The following AMOTL1 variants were observed in gnomAD, a reference collection of about 807,000 sequenced individuals.
AMOTL1 encodes angiomotin like 1.
A neutral mutation model predicts 102.9 loss-of-function variants in AMOTL1; 45 were observed. That is an observed-to-expected ratio of 0.44 (90% CI 0.34 to 0.56). The LOEUF (loss-of-function observed/expected upper bound fraction) is 0.56. Ranked by LOEUF, AMOTL1 falls within the 20% of genes least tolerant of loss-of-function variation. AMOTL1 has a pLI of 0.01. For synonymous variants in AMOTL1, 481 were observed against 484.7 expected, an observed-to-expected ratio of 0.99 and a Z score of 0.10; for missense variants, 1,114 against 1,225.6, an observed-to-expected ratio of 0.91 and a Z score of 1.36.
intron 8 of AMOTL1, among the ~76,000 whole-genome samples, chr11:94,858,692 C>G (rs938432058): frequency 5.3e-5 from 8 of 152,164 alleles, no homozygotes; most frequent in African/African-American, 1.9e-4. Context: ...TGACTGGGCC[C>G]CTAACCCTGA....
At chr11:94,808,286 C>T (rs1051170939) in intron 3 of AMOTL1, among the ~76,000 whole-genome samples, 2 of 151,930 alleles carry the variant, frequency 1.3e-5, no homozygotes, top group Admixed American at 6.6e-5. Context: ...TTTTACCCTC[C>T]TCTCACATGT....
intron 3 of AMOTL1, among the ~76,000 whole-genome samples, chr11:94,751,546 G>C (rs958687526): frequency 6.6e-6 from 1 of 152,054 alleles, no homozygotes; most frequent in Admixed American, 6.5e-5. Flanking sequence ...ATGTAAAATT[G>C]ATCACCACTC....
In AMOTL1 at chr11:94,854,075, C is replaced by T; in HGVS notation, c.1937C>T (p.Thr646Ile). Residue 646 changes from threonine to isoleucine, a missense_variant, in exon 8 of 13, where the codon ACC becomes ATC. Physicochemically the swap from Thr to Ile is moderately conservative, Grantham distance 89. Transcript: ENST00000433060. ...WLERELDALR[T>I]QQKHGNGQPA... ...GAGAGAGAGCTGGATGCACTGAGAA[C>T]CCAGCAGGTAAGGAACTGGGCATGG... The T allele has an allele frequency of 6.5e-7, 1 of 1,545,248 alleles. No homozygotes were observed. The highest frequency in any genetic ancestry group is 8.8e-7 in the Non-Finnish European group (1 of 1,142,716).
chr11:94,796,948 T>C, intron 2 of AMOTL1: 1 of 984,016 alleles, frequency 1.0e-6, no homozygotes, highest in Non-Finnish European at 1.2e-6. Flanking sequence ...CCTTTGTTTT[T>C]TTCTCATTTC....
rs143522082 is a variant in AMOTL1 at position 94,809,636 on chromosome 11, G to T, written c.1121+9325G>T. On this transcript the variant is annotated intron_variant, in intron 3 of 12. Transcript: ENST00000433060. ...ATTAGCAGTGTGTGATGATAACAGAGGCTAACGATTCATAACTTTATAGCC... is the reference window on the plus strand; with the variant it reads ...ATTAGCAGTGTGTGATGATAACAGATGCTAACGATTCATAACTTTATAGCC... Among the ~76,000 whole-genome samples the T allele has an allele frequency of 9.3e-4, 142 of 152,326 alleles. No individual in the cohort carries two copies. In the Middle Eastern group the frequency reaches 0.01, roughly 11 times the overall value.
At chr11:94,835,453 GTT>G (rs1460842175) in intron 6 of AMOTL1, among the ~76,000 whole-genome samples, 1 of 152,206 alleles carries the variant, frequency 6.6e-6, no homozygotes, top group Non-Finnish European at 1.5e-5. Flanking sequence ...TTTTAAAACT[GTT>G]TCTTTCGAAA....
At chr11:94,744,962 A>C (rs1950573435) in intron 3 of AMOTL1, among the ~76,000 whole-genome samples, 2 of 152,240 alleles carry the variant, frequency 1.3e-5, no homozygotes, top group Non-Finnish European at 2.9e-5. Flanking sequence ...AATCAATATT[A>C]TAAAGTTACT....
chr11:94,777,203 A>G (rs1275516320), intron 1 of AMOTL1, among the ~76,000 whole-genome samples: 1 of 152,208 alleles, frequency 6.6e-6, no homozygotes, highest in East Asian at 1.9e-4. Context: ...ATTGAAGATA[A>G]TGGCGGTGTC....
rs1214107682 is a variant in AMOTL1, at chr11:94,791,395, C to CA, written c.50-3615dup. ...TCCCCAGAGAGCTGACTCCTTTACT[C>CA]AGACCTTAGCTTGTTTTCCATTGCT... On this transcript the variant is annotated intron_variant, in intron 1 of 12. Transcript: ENST00000433060. Among the ~76,000 whole-genome samples, 4 of 152,248 alleles carry CA rather than the reference C, an allele frequency of 2.6e-5. No individual in the cohort carries two copies. The East Asian group carries it at 7.7e-4, about 29-fold the overall frequency.
chr11:94,770,140 C>T (rs1190864251), intron 1 of AMOTL1, among the ~76,000 whole-genome samples: 1 of 152,122 alleles, frequency 6.6e-6, no homozygotes, highest in Admixed American at 6.5e-5. Context: ...ACTCCTGGGC[C>T]CGGGCAGCTG....
chr11:94,847,863 G>A (rs1952449887), intron 6 of AMOTL1, among the ~76,000 whole-genome samples: 1 of 152,128 alleles, frequency 6.6e-6, no homozygotes, highest in Non-Finnish European at 1.5e-5. Flanking sequence ...CAGAACATGA[G>A]AAGCTTTGGT....
chr11:94,831,423 C>T lies in AMOTL1; in HGVS notation c.1559-29C>T, dbSNP rs768030341. ...TGATGACTTCAATCCATATACATTT[C>T]TTTGTAATCATTTCCTCTTTGTTCA... is the stretch of plus-strand genomic sequence containing the variant. On this transcript the variant is annotated intron_variant, in intron 5 of 12. Transcript: ENST00000433060. 9.0e-6 allele frequency: 14 copies of T among 1,556,380 alleles called. No homozygotes were observed. In the East Asian group the frequency reaches 2.9e-4, roughly 32 times the overall value.
At chr11:94,798,607 C>T (rs1225281924) in intron 2 of AMOTL1, among the ~76,000 whole-genome samples, 2 of 151,962 alleles carry the variant, frequency 1.3e-5, no homozygotes, top group Admixed American at 6.6e-5. Flanking sequence ...CAGTAGTTGA[C>T]GACGAGGGGT....
chr11:94,854,125 C>A, intron 8 of AMOTL1, 43 bp downstream of exon 8: 1 of 1,484,954 alleles, frequency 6.7e-7, no homozygotes, highest in South Asian at 1.4e-5. Flanking sequence ...TAGATATGTT[C>A]ACTCAGCAAA....
intron 6 of AMOTL1, among the ~76,000 whole-genome samples, chr11:94,848,864 T>C (rs1002845717): frequency 1.3e-5 from 2 of 152,394 alleles, no homozygotes; most frequent in South Asian, 4.1e-4. Context: ...CACATAGTGC[T>C]GGTCCTAAAT....
intron 3 of AMOTL1, among the ~76,000 whole-genome samples, chr11:94,814,602 A>G (rs974206471): frequency 1.3e-5 from 2 of 152,178 alleles, no homozygotes; most frequent in Non-Finnish European, 2.9e-5. Flanking sequence ...GCTTGCAAAG[A>G]TAATGTTATT....
At chr11:94,839,864 G>T (rs1358073177) in intron 6 of AMOTL1, among the ~76,000 whole-genome samples, 1 of 152,110 alleles carries the variant, frequency 6.6e-6, no homozygotes, top group Admixed American at 6.6e-5. Context: ...AGTCTTAATT[G>T]GTTGCTAATT....
intron 3 of AMOTL1, among the ~76,000 whole-genome samples, chr11:94,815,146 C>A (rs941484770): frequency 6.6e-6 from 1 of 152,096 alleles, no homozygotes; most frequent in African/African-American, 2.4e-5. Context: ...TCAGAATTGT[C>A]AACATAAATT....
At chr11:94,781,416 T>G (rs1220354497) in intron 1 of AMOTL1, among the ~76,000 whole-genome samples, 4 of 152,242 alleles carry the variant, frequency 2.6e-5, no homozygotes, top group Admixed American at 6.5e-5. Flanking sequence ...ATTTTCATCT[T>G]AAAATTCTCC....
Sources: gnomAD v4.1 joint callset for allele counts (sites outside exome capture counted in the v4.1 genomes callset) on GRCh38, gnomAD v4.1.1 for gene constraint, MANE v1.5 for transcripts, NCBI Gene and HGNC (gene_info 2026-07-23, HGNC 2026-07-21) for gene names.